The following CDH13 variants were observed in gnomAD, a reference collection of about 807,000 sequenced individuals.
CDH13 encodes the protein cadherin-13.
In CDH13, 24 loss-of-function variants were observed where a neutral mutation model predicts 63.8. The observed-to-expected ratio is 0.38, with a 90% CI of 0.27 to 0.53. CDH13 has a LOEUF of 0.53. Among genes scored for constraint, CDH13 ranks in the 20% least tolerant of loss-of-function variants. CDH13 has a pLI of 0.85. For missense variants in CDH13, 1,049 were observed against 903.1 expected (o/e 1.16, Z -2.07); for synonymous variants, 503 against 355.3 (o/e 1.42, Z -4.67).
intron 1 of CDH13, among the ~76,000 whole-genome samples, chr16:82,854,974 T>C (rs1393779763): frequency 7.0e-6 from 1 of 141,974 alleles, no homozygotes; most frequent in Non-Finnish European, 1.6e-5. Flanking sequence ...TATTTGTGAA[T>C]GAGGAGTGAG....
chr16:83,120,666 C>G (rs141709443), intron 3 of CDH13, among the ~76,000 whole-genome samples: 94 of 151,872 alleles, frequency 6.2e-4, no homozygotes, highest in African/African-American at 2.2e-3. Flanking sequence ...ATATATTTTA[C>G]GTATTTCCTA....
chr16:83,465,561 C>A (rs11860430), intron 6 of CDH13, among the ~76,000 whole-genome samples: 252 of 152,078 alleles, frequency 1.7e-3, no homozygotes, highest in African/African-American at 6.0e-3. Flanking sequence ...CAATGGAAGC[C>A]GCCTTTTTAA....
intron 5 of CDH13, among the ~76,000 whole-genome samples, chr16:83,308,564 G>A (rs374027402): frequency 2.3e-4 from 35 of 152,286 alleles, no homozygotes; most frequent in African/African-American, 6.5e-4. Flanking sequence ...CAAAGCCAAC[G>A]TCACTATTAT....
At chr16:83,359,019 C>G (rs1051476210) in intron 6 of CDH13, among the ~76,000 whole-genome samples, 3 of 152,130 alleles carry the variant, frequency 2.0e-5, no homozygotes, top group African/African-American at 7.2e-5. Context: ...TTCGTGTCCA[C>G]ATTCCAGGGG....
At chr16:82,722,212 A>G (rs1045238532) in intron 1 of CDH13, among the ~76,000 whole-genome samples, 1 of 152,210 alleles carries the variant, frequency 6.6e-6, no homozygotes, top group Non-Finnish European at 1.5e-5. Flanking sequence ...GGAAATGTAT[A>G]GTTCACTTAA....
intron 2 of CDH13, among the ~76,000 whole-genome samples, chr16:82,927,370 G>A (rs1008676023): frequency 1.3e-5 from 2 of 152,076 alleles, no homozygotes; most frequent in African/African-American, 4.8e-5. Context: ...GCTATTTTGG[G>A]AAAATTCAGT....
chr16:82,925,748 C>G (rs1026705976), intron 2 of CDH13, among the ~76,000 whole-genome samples: 8 of 152,214 alleles, frequency 5.3e-5, no homozygotes, highest in African/African-American at 1.9e-4. Context: ...AAGAGCAGCC[C>G]ATTGCTAGCT....
chr16:83,322,463 C>A (rs561544004), intron 5 of CDH13, among the ~76,000 whole-genome samples: 1 of 152,332 alleles, frequency 6.6e-6, no homozygotes, highest in Admixed American at 6.5e-5. Flanking sequence ...TGATTCATTT[C>A]TTTCATTTGT....
chr16:82,985,728 C>G (rs561096690), intron 2 of CDH13, among the ~76,000 whole-genome samples: 1 of 152,154 alleles, frequency 6.6e-6, no homozygotes, highest in Non-Finnish European at 1.5e-5. Flanking sequence ...AATTGCAATC[C>G]CCAGCATTGG....
intron 1 of CDH13, among the ~76,000 whole-genome samples, chr16:82,842,102 A>ATG (rs1567590251): frequency 6.1e-5 from 2 of 32,804 alleles, no homozygotes; most frequent in African/African-American, 2.2e-4. Flanking sequence ...ATATATATAT[A>ATG]TATATATATG....
At chr16:82,851,722 C>T (rs2039496588) in intron 1 of CDH13, among the ~76,000 whole-genome samples, 3 of 152,034 alleles carry the variant, frequency 2.0e-5, no homozygotes, top group African/African-American at 7.2e-5. Flanking sequence ...TCCTGGAATG[C>T]TCCATTCCTC....
At chr16:82,718,580 A>T (rs2032545469) in intron 1 of CDH13, among the ~76,000 whole-genome samples, 1 of 152,226 alleles carries the variant, frequency 6.6e-6, no homozygotes, top group Admixed American at 6.5e-5. Flanking sequence ...GCTGATAAAG[A>T]TATATCTAAG....
intron 10 of CDH13, among the ~76,000 whole-genome samples, chr16:83,729,412 T>C (rs1200571625): frequency 6.6e-6 from 1 of 152,190 alleles, no homozygotes; most frequent in African/African-American, 2.4e-5. Context: ...AAAAATTTTA[T>C]TTGCAAAACA....
chr16:83,747,816 C>T (rs978092767), intron 10 of CDH13, among the ~76,000 whole-genome samples: 1 of 150,386 alleles, frequency 6.6e-6, no homozygotes, highest in South Asian at 2.1e-4. Flanking sequence ...AGGATTTGGG[C>T]TGTGAATTCT....
chr16:83,031,264 A>ATG (rs1916292965), intron 2 of CDH13, among the ~76,000 whole-genome samples: 1 of 146,040 alleles, frequency 6.8e-6, no homozygotes, highest in African/African-American at 2.5e-5. Context: ...TACACCATAT[A>ATG]CATGCGCATG....
chr16:83,245,943 C>T (rs1044493632), intron 5 of CDH13, among the ~76,000 whole-genome samples: 3 of 152,114 alleles, frequency 2.0e-5, no homozygotes, highest in African/African-American at 7.2e-5. Context: ...TTCCATACAG[C>T]CCAGGCTGGT....
chr16:82,724,522 T>C (rs1199908319), intron 1 of CDH13, among the ~76,000 whole-genome samples: 1 of 152,230 alleles, frequency 6.6e-6, no homozygotes, highest in East Asian at 1.9e-4. Context: ...CCTAGATTCA[T>C]AGTCATGATG....
At chr16:83,270,382 C>G (rs544372384) in intron 5 of CDH13, among the ~76,000 whole-genome samples, 2 of 152,100 alleles carry the variant, frequency 1.3e-5, no homozygotes, top group African/African-American at 4.8e-5. Context: ...AATATGCCCA[C>G]GAGGAAATAC....
At chr16:82,985,767 G>T (rs1315175673) in intron 2 of CDH13, among the ~76,000 whole-genome samples, 2 of 152,168 alleles carry the variant, frequency 1.3e-5, no homozygotes, top group African/African-American at 4.8e-5. Flanking sequence ...GGTGACTGGA[G>T]CATGGGGACA....
Sources: gnomAD v4.1 joint callset for allele counts (sites outside exome capture counted in the v4.1 genomes callset) on GRCh38, gnomAD v4.1.1 for gene constraint, MANE v1.5 for transcripts, NCBI Gene and HGNC (gene_info 2026-07-23, HGNC 2026-07-21) for gene names.